THSD7B: variants seen among roughly 807,000 people sequenced by gnomAD.
THSD7B encodes thrombospondin type 1 domain containing 7B.
In THSD7B, 138 loss-of-function variants were observed where a neutral mutation model predicts 213.6. The ratio of observed to expected loss-of-function variants is 0.65; its 90% CI spans 0.56 to 0.74. The LOEUF (loss-of-function observed/expected upper bound fraction) is 0.74. THSD7B is among the 30% of genes least tolerant of loss of function. The pLI, the probability that THSD7B is intolerant of heterozygous loss-of-function variation, is 0.00. For missense variants in THSD7B, 1,931 were observed against 1,991.5 expected (o/e 0.97, Z 0.58); for synonymous variants, 742 against 687.0 (o/e 1.08, Z -1.25).
At chr2:137,216,799 G>T (rs1257500602) in intron 7 of THSD7B, among the ~76,000 whole-genome samples, 1 of 152,178 alleles carries the variant, frequency 6.6e-6, no homozygotes, top group Non-Finnish European at 1.5e-5. Context: ...GGCCAGATCT[G>T]TAAGCACAGT....
intron 17 of THSD7B, among the ~76,000 whole-genome samples, chr2:137,615,098 T>G (rs1204142190): frequency 6.6e-6 from 1 of 152,306 alleles, no homozygotes; most frequent in Middle Eastern, 3.4e-3. Flanking sequence ...CTGTGACATA[T>G]AATTGATATT....
At chr2:137,374,251 T>C (rs1685601422) in intron 12 of THSD7B, among the ~76,000 whole-genome samples, 1 of 152,152 alleles carries the variant, frequency 6.6e-6, no homozygotes. Flanking sequence ...TTTCTTTCCA[T>C]TTAACTCCAC....
chr2:137,290,115 T>TTC (rs1553435812), intron 12 of THSD7B, among the ~76,000 whole-genome samples: 12 of 148,718 alleles, frequency 8.1e-5, no homozygotes, highest in African/African-American at 3.0e-4. Flanking sequence ...GTTTTCTTTT[T>TTC]TTTTTTTTTT....
At chr2:137,241,888 G>C (rs1004500213) in intron 9 of THSD7B, among the ~76,000 whole-genome samples, 1 of 148,952 alleles carries the variant, frequency 6.7e-6, no homozygotes, top group African/African-American at 2.5e-5. Context: ...CAGGCTAAGG[G>C]ACAGAGTGAG....
At chr2:137,159,074 A>T (rs1174388435) in intron 5 of THSD7B, among the ~76,000 whole-genome samples, 3 of 152,086 alleles carry the variant, frequency 2.0e-5, no homozygotes, top group Non-Finnish European at 4.4e-5. Context: ...ATAAAATTAC[A>T]GTCTTCACAA....
chr2:137,504,508 C>T (rs1250661145), intron 15 of THSD7B, among the ~76,000 whole-genome samples: 1 of 152,150 alleles, frequency 6.6e-6, no homozygotes, highest in African/African-American at 2.4e-5. Context: ...AGCAGCAAGT[C>T]TAACTATGTG....
intron 2 of THSD7B, among the ~76,000 whole-genome samples, chr2:136,967,645 A>G (rs1685341996): frequency 6.6e-6 from 1 of 152,244 alleles, no homozygotes; most frequent in Non-Finnish European, 1.5e-5. Flanking sequence ...TTGAAGAATA[A>G]TGGTAAAATG....
intron 9 of THSD7B, among the ~76,000 whole-genome samples, chr2:137,240,689 T>G (rs1313894184): frequency 6.6e-6 from 1 of 152,104 alleles, no homozygotes; most frequent in Non-Finnish European, 1.5e-5. Context: ...ATTTTTTATA[T>G]TTTTTAATAG....
intron 12 of THSD7B, among the ~76,000 whole-genome samples, chr2:137,398,502 G>A (rs1160903206): frequency 1.3e-5 from 2 of 151,808 alleles, no homozygotes; most frequent in South Asian, 2.1e-4. Context: ...GGACCCACTT[G>A]AGGAGGCAGT....
intron 17 of THSD7B, among the ~76,000 whole-genome samples, chr2:137,594,838 C>A (rs1681929880): frequency 6.6e-6 from 1 of 151,912 alleles, no homozygotes; most frequent in Non-Finnish European, 1.5e-5. Flanking sequence ...TCTCCCAATT[C>A]ATGAATATGG....
chr2:137,303,471 G>T (rs1683657086), intron 12 of THSD7B, among the ~76,000 whole-genome samples: 1 of 151,120 alleles, frequency 6.6e-6, no homozygotes, highest in Admixed American at 6.6e-5. Flanking sequence ...AATTTCAAAT[G>T]CTTTATTTTA....
At chr2:137,118,633 G>A (rs562128420) in intron 5 of THSD7B, among the ~76,000 whole-genome samples, 5 of 152,156 alleles carry the variant, frequency 3.3e-5, no homozygotes, top group African/African-American at 9.6e-5. Flanking sequence ...GCTCTGAATT[G>A]TTAAATGCAT....
At chr2:136,994,857 C>T (rs1573755534) in intron 2 of THSD7B, among the ~76,000 whole-genome samples, 1 of 152,152 alleles carries the variant, frequency 6.6e-6, no homozygotes, top group East Asian at 1.9e-4. Context: ...ATATGATCTA[C>T]ATTTTTCTAA....
chr2:137,462,450 T>A (rs946669638), intron 15 of THSD7B, among the ~76,000 whole-genome samples: 2 of 152,122 alleles, frequency 1.3e-5, no homozygotes, highest in African/African-American at 4.8e-5. Flanking sequence ...CTGTGCATGC[T>A]ATAGTTCACC....
intron 7 of THSD7B, among the ~76,000 whole-genome samples, chr2:137,212,672 A>AT (rs975207396): frequency 1.8e-4 from 27 of 151,768 alleles, no homozygotes; most frequent in African/African-American, 4.8e-4. Context: ...AAAAAATATC[A>AT]TTTTTTTTCC....
intron 12 of THSD7B, among the ~76,000 whole-genome samples, chr2:137,375,144 A>G (rs1469113144): frequency 1.3e-5 from 2 of 152,214 alleles, no homozygotes; most frequent in Non-Finnish European, 2.9e-5. Flanking sequence ...TGCAAATTTA[A>G]TATTGTTAGT....
At chr2:137,380,509 A>G (rs934203102) in intron 12 of THSD7B, among the ~76,000 whole-genome samples, 1 of 152,166 alleles carries the variant, frequency 6.6e-6, no homozygotes, top group Non-Finnish European at 1.5e-5. Context: ...CAATAGTTGG[A>G]TGAATGGAAG....
chr2:137,651,767 T>A (rs1450018873), intron 21 of THSD7B, among the ~76,000 whole-genome samples: 1 of 152,044 alleles, frequency 6.6e-6, no homozygotes, highest in African/African-American at 2.4e-5. Context: ...CCATTTTCAT[T>A]GTTTTAAGAA....
Position 137,052,898 on chromosome 2 carries a change from T to C in THSD7B, c.140-3522T>C, listed in dbSNP as rs181061868. ...CTTGTCTTCATCTCATATGTCTTGT[T>C]TGTAATTTGTTTTTCATTTATTCCA... is the stretch of plus-strand genomic sequence containing the variant. On this transcript the variant is annotated intron_variant, in intron 2 of 27. Transcript: ENST00000409968. 2.7e-3 allele frequency among the ~76,000 whole-genome samples: 411 copies of C among 152,316 alleles called. 3 individuals are homozygous for C. Among genetic ancestry groups the C allele is most frequent in the African/African-American group, 9.5e-3 (394 of 41,576 alleles).
Sources: allele counts gnomAD v4.1 joint callset (sites outside exome capture counted in the v4.1 genomes callset), GRCh38; gene constraint gnomAD v4.1.1; transcripts MANE v1.5; gene names NCBI Gene and HGNC (gene_info 2026-07-23, HGNC 2026-07-21).